Variants in DSCAML1 observed in about 807,000 individuals in gnomAD.
DSCAML1 encodes cell adhesion molecule DSCAML1.
A neutral mutation model predicts 200.5 loss-of-function variants in DSCAML1; 38 were observed. The observed-to-expected ratio is 0.19, with a 90% CI of 0.15 to 0.25. The LOEUF is 0.25. DSCAML1 is among the 10% of genes least tolerant of loss of function. The pLI is 1.00. For synonymous variants in DSCAML1, 1,215 were observed against 1,165.0 expected (o/e 1.04, Z -0.87); for missense variants, 2,223 against 2,858.8 (o/e 0.78, Z 5.07).
intron 3 of DSCAML1, among the ~76,000 whole-genome samples, chr11:117,575,098 G>C (rs985463790): frequency 6.6e-6 from 1 of 152,198 alleles, no homozygotes; most frequent in Non-Finnish European, 1.5e-5. Context: ...GGTTGAGGAA[G>C]GAGAATCACT....
intron 3 of DSCAML1, among the ~76,000 whole-genome samples, chr11:117,600,227 G>A (rs531490428): frequency 4.6e-5 from 7 of 152,176 alleles, no homozygotes; most frequent in African/African-American, 1.7e-4. Context: ...TCCTGGGGAC[G>A]GGCTGGGGCA....
At chr11:117,800,193 CCTCTTCGACAG>C (rs2055644357), upstream of DSCAML1, among the ~76,000 whole-genome samples, 3 of 152,174 alleles carry the variant, frequency 2.0e-5, no homozygotes, top group South Asian at 6.2e-4. Context: ...TTAGAAGTCT[CCTCTTCGACAG>C]GAGTTGTATT....
At chr11:117,763,730 G>A (rs1326404498) in intron 3 of DSCAML1, among the ~76,000 whole-genome samples, 1 of 151,952 alleles carries the variant, frequency 6.6e-6, no homozygotes, top group African/African-American at 2.4e-5. Flanking sequence ...TTTAACGACT[G>A]CAGATGCCTG....
chr11:117,491,074 G>A (rs970018522), intron 11 of DSCAML1, among the ~76,000 whole-genome samples: 3 of 152,200 alleles, frequency 2.0e-5, no homozygotes, highest in African/African-American at 7.2e-5. Flanking sequence ...ATACCCAAAG[G>A]AGAGGAGCGA....
At chr11:117,798,993 T>A (rs1250262386), upstream of DSCAML1, among the ~76,000 whole-genome samples, 1 of 152,152 alleles carries the variant, frequency 6.6e-6, no homozygotes, top group African/African-American at 2.4e-5. Context: ...GGGGACAGAC[T>A]GCAGGGGGTG....
Position 117,516,498 on chromosome 11 carries a change from G to A in DSCAML1, c.1752C>T (p.Ser584=), listed in dbSNP as rs778646450. 9.9e-6 allele frequency: 16 copies of A among 1,613,956 alleles called. No homozygotes were observed. Among genetic ancestry groups the A allele is most frequent in the Non-Finnish European group, 1.4e-5 (16 of 1,179,996 alleles). ...CGGCTACGTGAACGCTCTGGCTGATGGAGAGCTGGGGCTGGATGAGGACAC... is the reference window on the plus strand; with the variant it reads ...CGGCTACGTGAACGCTCTGGCTGATAGAGAGCTGGGGCTGGATGAGGACAC... ...LCSVLIQPQL[S]ISQSVHVAVK... The change falls in exon 8 of 33, where the codon TCC becomes TCT. Residue 584 remains serine (S), a synonymous_variant. Coordinates refer to ENST00000651296, the MANE Select transcript of DSCAML1 (RefSeq NM_020693.4). This position sits in a 1 kb window ranked among gnomAD's most constrained non-coding sequence, Gnocchi z 5.7.
intron 21 of DSCAML1, 137 bp from the exon 22 acceptor site, chr11:117,440,073 G>C: frequency 1.4e-6 from 1 of 691,102 alleles, no homozygotes; most frequent in Non-Finnish European, 2.5e-6. Flanking sequence ...TTTTGGTGAG[G>C]GGTAGGTGTC....
intron 20 of DSCAML1, among the ~76,000 whole-genome samples, chr11:117,446,829 TC>T (rs1352977696): frequency 6.6e-6 from 1 of 152,196 alleles, no homozygotes; most frequent in East Asian, 1.9e-4. Context: ...ACCCAGGAAT[TC>T]CTATAGAAAT....
chr11:117,760,991 A>C (rs1406977325), intron 3 of DSCAML1, among the ~76,000 whole-genome samples: 1 of 152,192 alleles, frequency 6.6e-6, no homozygotes, highest in African/African-American at 2.4e-5. Context: ...AGGATAGCCA[A>C]AGACTGTTAG....
At chr11:117,590,285 C>G (rs777005896) in intron 3 of DSCAML1, among the ~76,000 whole-genome samples, 1 of 151,816 alleles carries the variant, frequency 6.6e-6, no homozygotes. Flanking sequence ...ACTTCCTGGG[C>G]TCAAACAATC....
At chr11:117,746,245 A>AAAAAAAAT (rs2054516388) in intron 3 of DSCAML1, among the ~76,000 whole-genome samples, 2 of 150,784 alleles carry the variant, frequency 1.3e-5, no homozygotes, top group African/African-American at 4.9e-5. Flanking sequence ...AAAAAAAAAA[A>AAAAAAAAT]GTGCCTGGCA....
chr11:117,671,191 T>C (rs1161067510), intron 3 of DSCAML1, among the ~76,000 whole-genome samples: 2 of 152,238 alleles, frequency 1.3e-5, no homozygotes, highest in African/African-American at 4.8e-5. Flanking sequence ...CTGTTTAAGC[T>C]AGACTGTTTG....
chr11:117,645,437 C>T (rs1238090483), intron 3 of DSCAML1, among the ~76,000 whole-genome samples: 1 of 152,086 alleles, frequency 6.6e-6, no homozygotes, highest in Non-Finnish European at 1.5e-5. Context: ...TTTTGTGAGA[C>T]ATTTTTTCTT....
At chr11:117,587,575 G>A (rs1393752109) in intron 3 of DSCAML1, among the ~76,000 whole-genome samples, 1 of 152,158 alleles carries the variant, frequency 6.6e-6, no homozygotes, top group East Asian at 1.9e-4. Context: ...GATGAGTCGG[G>A]CCGATGTTGT....
intron 1 of DSCAML1, among the ~76,000 whole-genome samples, chr11:117,808,551 G>A (rs2055728357): frequency 6.6e-6 from 1 of 152,148 alleles, no homozygotes; most frequent in Non-Finnish European, 1.5e-5. Flanking sequence ...ACAGAATCCG[G>A]GATCTGTATT....
intron 11 of DSCAML1, among the ~76,000 whole-genome samples, chr11:117,494,124 CTG>C (rs1265948389): frequency 6.6e-6 from 1 of 152,176 alleles, no homozygotes; most frequent in African/African-American, 2.4e-5. Context: ...AAAAATGACT[CTG>C]AACATCAGAA....
rs148293171 is a variant in DSCAML1 at position 117,729,560 on chromosome 11, T to C, written c.511+47231A>G. The stretch of plus-strand genomic sequence containing the variant: ...ACTTGTGTGTAGAATACATAAAGAA[T>C]TCCTACAACTCAATAATAAAAGGAC... On this transcript the variant is annotated intron_variant, in intron 3 of 32. Transcript: ENST00000651296. 6.4e-3 allele frequency among the ~76,000 whole-genome samples: 969 copies of C among 152,304 alleles called. 9 individuals are homozygous for C. Among genetic ancestry groups the C allele is most frequent in the African/African-American group, 0.021 (882 of 41,554 alleles).
intron 11 of DSCAML1, 115 bp from the exon 12 acceptor site, chr11:117,482,277 A>T: frequency 8.0e-7 from 1 of 1,252,570 alleles, no homozygotes; most frequent in Non-Finnish European, 1.1e-6. Flanking sequence ...GAGAGGCTCC[A>T]ATAAAGGAGT....
chr11:117,428,395 G>A lies in DSCAML1; in HGVS notation c.6095C>T (p.Thr2032Ile), dbSNP rs2047705758. The A allele has an allele frequency of 6.3e-7, 1 of 1,582,142 alleles. No homozygotes were observed. Among genetic ancestry groups the A allele is most frequent in the South Asian group, 1.2e-5 (1 of 86,748 alleles). Residue 2032 changes from threonine (T) to isoleucine (I), a missense_variant, in exon 33 of 33, where the codon ACA (threonine) becomes ATA (isoleucine). Physicochemically the swap from Thr to Ile is moderately conservative, Grantham distance 89. Transcript: ENST00000651296. The stretch of plus-strand genomic sequence containing the variant: ...CTTCTGAGACCTCCCTACCCCCGAT[G>A]TGCTCATCTCGAGAAGCGAGTCCCT... ...GSRDSLLEMS[T>I]SGVGRSQKQG...
Sources: gnomAD v4.1 joint callset for allele counts (sites outside exome capture counted in the v4.1 genomes callset) on GRCh38, gnomAD v4.1.1 for gene constraint, Gnocchi (gnomAD v3.1) non-coding constraint, MANE v1.5 for transcripts, NCBI Gene and HGNC (gene_info 2026-07-23, HGNC 2026-07-21) for gene names.